NCOA2: variants seen among roughly 807,000 people sequenced by gnomAD.
NCOA2 encodes the protein nuclear receptor coactivator 2, also known as class E basic helix-loop-helix protein 75.
In NCOA2, 21 loss-of-function variants were observed where a neutral mutation model predicts 145.1. The ratio of observed to expected loss-of-function variants is 0.14; its 90% CI spans 0.10 to 0.21. NCOA2 has a LOEUF of 0.21. Among genes scored for constraint, NCOA2 ranks in the 10% least tolerant of loss-of-function variants. The pLI is 1.00. For synonymous variants in NCOA2, 619 were observed against 637.5 expected, an observed-to-expected ratio of 0.97 and a Z score of 0.44; for missense variants, 1,472 against 1,837.6, an observed-to-expected ratio of 0.80 and a Z score of 3.64.
chr8:70,229,693 C>A (rs190745260), intron 2 of NCOA2, among the ~76,000 whole-genome samples: 1 of 152,128 alleles, frequency 6.6e-6, no homozygotes, highest in Non-Finnish European at 1.5e-5. Context: ...TGAGCCAGCA[C>A]GACCCCAGAA....
At chr8:70,318,796 T>C (rs536474429) in intron 1 of NCOA2, among the ~76,000 whole-genome samples, 1 of 152,056 alleles carries the variant, frequency 6.6e-6, no homozygotes, top group Non-Finnish European at 1.5e-5. Context: ...GCTATCTCAA[T>C]AGGCCCATCA....
At chr8:70,188,076 G>A (rs534967232) in intron 4 of NCOA2, among the ~76,000 whole-genome samples, 2 of 152,328 alleles carry the variant, frequency 1.3e-5, no homozygotes, top group African/African-American at 4.8e-5. Context: ...TGTGACAGCT[G>A]GGCAGGTCCA....
At chr8:70,336,013 T>A (rs1388885677) in intron 1 of NCOA2, among the ~76,000 whole-genome samples, 1 of 152,210 alleles carries the variant, frequency 6.6e-6, no homozygotes, top group East Asian at 1.9e-4. Context: ...AAAAATTATA[T>A]ACCTGCATAG....
intron 2 of NCOA2, among the ~76,000 whole-genome samples, chr8:70,251,602 G>A (rs1823188271): frequency 6.6e-6 from 1 of 152,212 alleles, no homozygotes; most frequent in Admixed American, 6.5e-5. Flanking sequence ...CTGTTAACCA[G>A]AGTTAATGAG....
chr8:70,226,467 A>G (rs1474802238), intron 2 of NCOA2, among the ~76,000 whole-genome samples: 2 of 152,068 alleles, frequency 1.3e-5, no homozygotes, highest in Admixed American at 6.5e-5. Context: ...AACTGAGGGA[A>G]ACCTATACTG....
At chr8:70,159,427 C>T (rs1194943257) in intron 10 of NCOA2, 78 bp downstream of exon 10, 1 of 1,300,186 alleles carries the variant, frequency 7.7e-7, no homozygotes, top group African/African-American at 1.5e-5. Context: ...ATCCTCAAAG[C>T]TCTAAAATAA....
the NCOA2 span, among the ~76,000 whole-genome samples, chr8:70,426,374 G>A: frequency 6.6e-6 from 1 of 152,144 alleles, no homozygotes; most frequent in African/African-American, 2.4e-5. Context: ...AGATGATAAG[G>A]TATTACACTT....
At chr8:70,308,297 T>C (rs759330047) in intron 1 of NCOA2, among the ~76,000 whole-genome samples, 1 of 152,180 alleles carries the variant, frequency 6.6e-6, no homozygotes, top group Non-Finnish European at 1.5e-5. Context: ...GTCATTTTCA[T>C]TTTCATATAA....
intron 2 of NCOA2, among the ~76,000 whole-genome samples, chr8:70,260,246 C>T (rs935754055): frequency 3.9e-5 from 6 of 152,108 alleles, no homozygotes; most frequent in African/African-American, 1.4e-4. Flanking sequence ...GGTGTTATCA[C>T]AGCTCACCGC....
At chr8:70,188,100 T>C (rs1042592360) in intron 4 of NCOA2, among the ~76,000 whole-genome samples, 4 of 152,190 alleles carry the variant, frequency 2.6e-5, no homozygotes, top group East Asian at 1.9e-4. Context: ...TTCAGAGCCA[T>C]AGCAAGAACA....
chr8:70,144,862 A>C lies in NCOA2; in HGVS notation c.2606-14T>G. ...GGTTATTAAAAGCTAAGGAGAAAAC[A>C]AATGAAAATTGAAGGTTAATATAGG... On this transcript the variant is annotated splice_polypyrimidine_tract_variant and intron_variant, in intron 12 of 22. Coordinates refer to ENST00000452400, the MANE Select transcript of NCOA2 (RefSeq NM_006540.4). 6.2e-7 allele frequency: 1 copy of C among 1,608,542 alleles called. No homozygotes were observed. Among genetic ancestry groups the C allele is most frequent in the Non-Finnish European group, 8.5e-7 (1 of 1,174,894 alleles).
At chr8:70,367,455 T>C (rs1810818326) in intron 1 of NCOA2, among the ~76,000 whole-genome samples, 1 of 152,170 alleles carries the variant, frequency 6.6e-6, no homozygotes, top group Non-Finnish European at 1.5e-5. Context: ...GTGAAAAGAC[T>C]ACCAACAGAG....
chr8:70,417,413 G>T, the NCOA2 span, among the ~76,000 whole-genome samples: 19 of 152,044 alleles, frequency 1.2e-4, no homozygotes, highest in Non-Finnish European at 1.5e-5. Flanking sequence ...GTCAGGCATG[G>T]TGGTGGGCGC....
intron 1 of NCOA2, among the ~76,000 whole-genome samples, chr8:70,376,250 T>C (rs1259093130): frequency 2.6e-5 from 4 of 152,162 alleles, no homozygotes; most frequent in Non-Finnish European, 5.9e-5. Context: ...TCCTCAAAAT[T>C]TGAATAGGTC....
chr8:70,423,843 C>T, the NCOA2 span, among the ~76,000 whole-genome samples: 1 of 152,172 alleles, frequency 6.6e-6, no homozygotes, highest in Non-Finnish European at 1.5e-5. Context: ...ACACTCTTGT[C>T]CCACAGCAGC....
chr8:70,122,851 A>C (rs987611154), intron 21 of NCOA2, among the ~76,000 whole-genome samples: 1 of 152,244 alleles, frequency 6.6e-6, no homozygotes, highest in Non-Finnish European at 1.5e-5. Flanking sequence ...GTTCTAACAG[A>C]CATTCACAGA....
chr8:70,335,492 G>A (rs932929586), intron 1 of NCOA2, among the ~76,000 whole-genome samples: 2 of 152,192 alleles, frequency 1.3e-5, no homozygotes, highest in African/African-American at 4.8e-5. Context: ...TAAATGGACA[G>A]TTTAGTTACT....
intron 1 of NCOA2, among the ~76,000 whole-genome samples, chr8:70,348,712 A>G (rs560699380): frequency 2.6e-5 from 4 of 152,158 alleles, no homozygotes; most frequent in Non-Finnish European, 5.9e-5. Context: ...AGCCTGGGTG[A>G]GTGGCAGTGC....
chr8:70,145,162 CTT>C (rs1339743845), intron 12 of NCOA2, among the ~76,000 whole-genome samples: 7 of 144,832 alleles, frequency 4.8e-5, no homozygotes, highest in African/African-American at 1.2e-4. Context: ...CTCTCTCTCT[CTT>C]TTTTTATTCT....
Sources: allele counts gnomAD v4.1 joint callset (sites outside exome capture counted in the v4.1 genomes callset), GRCh38; gene constraint gnomAD v4.1.1; transcripts MANE v1.5; gene names NCBI Gene and HGNC (gene_info 2026-07-23, HGNC 2026-07-21).